WASF1: variants seen among roughly 807,000 people sequenced by gnomAD.
WASF1 encodes the protein WASP family member 1.
In WASF1, 7 loss-of-function variants were observed where a neutral mutation model predicts 50.5. The ratio of observed to expected loss-of-function variants is 0.14; its 90% CI spans 0.08 to 0.26. The LOEUF (loss-of-function observed/expected upper bound fraction) is 0.26. Among genes scored for constraint, WASF1 ranks in the 10% least tolerant of loss-of-function variants. The probability of loss-of-function intolerance (pLI) is 1.00; values close to 1 mark genes in which losing one functional copy is unlikely to be tolerated. For missense variants in WASF1, 470 were observed against 694.7 expected (o/e 0.68, Z 3.64); for synonymous variants, 205 against 244.0 (o/e 0.84, Z 1.49).
intron 3 of WASF1, among the ~76,000 whole-genome samples, chr6:110,155,536 C>CTTTTTTT (rs66645132): frequency 1.1e-3 from 51 of 45,976 alleles, no homozygotes; most frequent in East Asian, 1.8e-3. Flanking sequence ...AAAGTGCCTT[C>CTTTTTTT]TTTTTTTTTT....
At chr6:110,158,439 TTC>T (rs1284772114) in intron 3 of WASF1, among the ~76,000 whole-genome samples, 4 of 141,112 alleles carry the variant, frequency 2.8e-5, no homozygotes, top group African/African-American at 1.1e-4. Context: ...TATTTGATTC[TTC>T]TCTCTCTTTT....
intron 2 of WASF1, among the ~76,000 whole-genome samples, chr6:110,178,242 C>T (rs535387568): frequency 1.3e-5 from 2 of 152,070 alleles, no homozygotes; most frequent in South Asian, 2.1e-4. Flanking sequence ...TCAAAACTTC[C>T]GAAATTTTAT....
chr6:110,134,656 C>T (rs1471545013), intron 3 of WASF1, among the ~76,000 whole-genome samples: 1 of 152,022 alleles, frequency 6.6e-6, no homozygotes, highest in Admixed American at 6.6e-5. Context: ...AAACTCCTGA[C>T]CTCAGGTGAT....
chr6:110,177,708 G>A (rs1242310255), intron 2 of WASF1, among the ~76,000 whole-genome samples: 2 of 151,946 alleles, frequency 1.3e-5, no homozygotes, highest in African/African-American at 2.4e-5. Context: ...TTATATGTAC[G>A]CCACTTCCAA....
chr6:110,175,513 G>GA (rs1297437850), intron 2 of WASF1, among the ~76,000 whole-genome samples: 4 of 152,086 alleles, frequency 2.6e-5, no homozygotes, highest in Non-Finnish European at 5.9e-5. Flanking sequence ...TAACTTTAGG[G>GA]AAAATGAACT....
At chr6:110,163,614 A>G (rs887402071) in intron 2 of WASF1, among the ~76,000 whole-genome samples, 1 of 151,598 alleles carries the variant, frequency 6.6e-6, no homozygotes, top group Non-Finnish European at 1.5e-5. Context: ...TATTCAGTCC[A>G]TAACAGATAA....
At chr6:110,151,134 T>C (rs1775804568) in intron 3 of WASF1, among the ~76,000 whole-genome samples, 1 of 152,212 alleles carries the variant, frequency 6.6e-6, no homozygotes, top group Non-Finnish European at 1.5e-5. Context: ...AGTAAACCAC[T>C]GGGTCATAGG....
At chr6:110,164,779 G>A (rs1248718849) in intron 2 of WASF1, among the ~76,000 whole-genome samples, 4 of 151,558 alleles carry the variant, frequency 2.6e-5, no homozygotes, top group African/African-American at 9.7e-5. Flanking sequence ...CATAACTGCT[G>A]AAACTTGGAA....
chr6:110,148,503 C>G (rs952164714), intron 3 of WASF1, among the ~76,000 whole-genome samples: 3 of 151,962 alleles, frequency 2.0e-5, no homozygotes, highest in Non-Finnish European at 4.4e-5. Flanking sequence ...GAAGCTTGTG[C>G]GTGTGTTTTC....
Position 110,103,473 on chromosome 6 carries a change from T to A in WASF1, c.798A>T (p.Arg266Ser). 6.2e-7 allele frequency: 1 copy of A among 1,614,026 alleles called. No homozygotes were observed. ...PFSQMSELLT[R>S]AEERVLVRPH... ...GTCTGACTAATACCCTTTCCTCAGC[T>A]CTAGTCAGAAGCTCACTCATCTGAC... is the stretch of plus-strand genomic sequence containing the variant. Residue 266 changes from arginine to serine, a missense_variant, in exon 9 of 11, where the codon AGA becomes AGT. Physicochemically the swap from Arg to Ser is moderately radical, Grantham distance 110 (BLOSUM62 -1). Transcript: ENST00000392589.
At chr6:110,146,996 T>TA (rs995986235) in intron 3 of WASF1, among the ~76,000 whole-genome samples, 63 of 151,900 alleles carry the variant, frequency 4.1e-4, no homozygotes, top group African/African-American at 1.4e-3. Flanking sequence ...GCTCTTGGTT[T>TA]AAAAAAAACT....
chr6:110,104,091 C>T (rs1299730790), intron 8 of WASF1, among the ~76,000 whole-genome samples: 1 of 152,040 alleles, frequency 6.6e-6, no homozygotes, highest in Admixed American at 6.5e-5. Context: ...TTCTGTCCTT[C>T]TGCTGTTTTC....
At chr6:110,168,643 C>T (rs1776573026) in intron 2 of WASF1, among the ~76,000 whole-genome samples, 1 of 152,060 alleles carries the variant, frequency 6.6e-6, no homozygotes. Context: ...AAGAGCAAGG[C>T]TTTTAAAACT....
chr6:110,101,460 T>C (rs936329702), intron 10 of WASF1, 128 bp downstream of exon 10: 2 of 1,238,274 alleles, frequency 1.6e-6, no homozygotes, highest in African/African-American at 3.0e-5. Flanking sequence ...CTTTACTTTC[T>C]AAAGGCCATT....
At chr6:110,169,481 C>T (rs534333191) in intron 2 of WASF1, among the ~76,000 whole-genome samples, 73 of 152,218 alleles carry the variant, frequency 4.8e-4, no homozygotes, top group Non-Finnish European at 8.5e-4. Context: ...CAAATGTATG[C>T]AAATTGCTGG....
At chr6:110,174,298 A>G (rs576893883) in intron 2 of WASF1, among the ~76,000 whole-genome samples, 14 of 152,098 alleles carry the variant, frequency 9.2e-5, no homozygotes, top group Non-Finnish European at 1.9e-4. Context: ...CTAAGTACAA[A>G]TGTATTTGTT....
At chr6:110,118,232 G>A (rs1773900481) in intron 4 of WASF1, among the ~76,000 whole-genome samples, 1 of 151,068 alleles carries the variant, frequency 6.6e-6, no homozygotes, top group Non-Finnish European at 1.5e-5. Flanking sequence ...TGGATAAAGA[G>A]TCAAGACCCA....
At chr6:110,103,177 TATAA>T (rs1773167422) in intron 9 of WASF1, among the ~76,000 whole-genome samples, 197 bp downstream of exon 9, 1 of 152,230 alleles carries the variant, frequency 6.6e-6, no homozygotes, top group Non-Finnish European at 1.5e-5. Context: ...TCCCTGTTTT[TATAA>T]ATAGAGTTTA....
chr6:110,173,773 G>A (rs1267355209), intron 2 of WASF1, among the ~76,000 whole-genome samples: 4 of 152,180 alleles, frequency 2.6e-5, no homozygotes, highest in African/African-American at 9.7e-5. Flanking sequence ...GCCATTAACA[G>A]TTCCAGAGTT....
Sources: gnomAD v4.1 joint callset for allele counts (sites outside exome capture counted in the v4.1 genomes callset) on GRCh38, gnomAD v4.1.1 for gene constraint, MANE v1.5 for transcripts, NCBI Gene and HGNC (gene_info 2026-07-23, HGNC 2026-07-21) for gene names.